Variants in RGS6 observed in about 807,000 individuals in gnomAD.
RGS6 encodes the protein regulator of G protein signaling 6.
In RGS6, 30 loss-of-function variants were observed where a neutral mutation model predicts 78.5. The observed-to-expected ratio is 0.38, with a 90% CI of 0.29 to 0.52. RGS6 has a LOEUF of 0.52. RGS6 is among the 20% of genes least tolerant of loss of function. RGS6 has a pLI of 0.85. For missense variants in RGS6, 495 were observed against 609.7 expected, an observed-to-expected ratio of 0.81 and a Z score of 1.98; for synonymous variants, 206 against 206.0, an observed-to-expected ratio of 1.00 and a Z score of 0.00.
the RGS6 span, among the ~76,000 whole-genome samples, chr14:71,904,175 T>C: frequency 7.9e-4 from 120 of 152,324 alleles, no homozygotes; most frequent in East Asian, 4.2e-3. Context: ...AGCATCCTGA[T>C]TTTTTTCTCA....
rs115270885 is a variant in RGS6 at position 72,186,315 on chromosome 14, A to G, written c.85-165780A>G. Among the ~76,000 whole-genome samples the G allele has an allele frequency of 9.9e-3, 1,504 of 152,348 alleles. 22 individuals are homozygous for G. Among genetic ancestry groups the G allele is most frequent in the African/African-American group, 0.034 (1,419 of 41,578 alleles). Reference sequence around the variant, plus strand: ...TTTGCTGGGCATTAACGCAGATGGAATACAGCCGAGTTTGCGTAAGTTCTG... The same window carrying G: ...TTTGCTGGGCATTAACGCAGATGGAGTACAGCCGAGTTTGCGTAAGTTCTG... On this transcript the variant is annotated intron_variant, in intron 2 of 17. Transcript: ENST00000553525.
intron 3 of RGS6, among the ~76,000 whole-genome samples, chr14:72,384,375 T>C (rs1019187942): frequency 4.6e-5 from 7 of 152,250 alleles, no homozygotes; most frequent in Non-Finnish European, 1.0e-4. Flanking sequence ...AGAATAGTTA[T>C]TGAATGTTAG....
intron 2 of RGS6, among the ~76,000 whole-genome samples, chr14:72,022,850 G>A (rs2088991478): frequency 6.7e-6 from 1 of 149,670 alleles, no homozygotes; most frequent in Non-Finnish European, 1.5e-5. Flanking sequence ...GCTCCCTCCT[G>A]TAACAACCTT....
the RGS6 span, among the ~76,000 whole-genome samples, chr14:72,578,587 A>G: frequency 1.5e-4 from 23 of 152,322 alleles, no homozygotes; most frequent in African/African-American, 5.5e-4. Flanking sequence ...ACAAACATGA[A>G]TTGAGCACCG....
chr14:72,510,457 C>A (rs186299071), intron 14 of RGS6, among the ~76,000 whole-genome samples, 178 bp downstream of exon 14: 1 of 152,326 alleles, frequency 6.6e-6, no homozygotes, highest in Admixed American at 6.5e-5. Flanking sequence ...TCTGTCACCA[C>A]CATAATAGCA....
chr14:72,399,416 C>G (rs2092034977), intron 3 of RGS6, among the ~76,000 whole-genome samples: 2 of 152,000 alleles, frequency 1.3e-5, no homozygotes, highest in Admixed American at 6.6e-5. Flanking sequence ...TATTTTGAGC[C>G]TATGTGTGTC....
intron 2 of RGS6, among the ~76,000 whole-genome samples, chr14:72,143,940 C>G (rs1418820032): frequency 6.6e-6 from 1 of 152,100 alleles, no homozygotes; most frequent in Non-Finnish European, 1.5e-5. Context: ...AGAGATATGT[C>G]AGTCACAGGA....
At chr14:72,396,046 C>G (rs1287561464) in intron 3 of RGS6, among the ~76,000 whole-genome samples, 2 of 151,910 alleles carry the variant, frequency 1.3e-5, no homozygotes, top group Non-Finnish European at 2.9e-5. Flanking sequence ...GGGTATATAC[C>G]CAGTAATGGG....
intron 3 of RGS6, among the ~76,000 whole-genome samples, chr14:72,453,542 G>A: frequency 1.4e-5 from 2 of 144,820 alleles, no homozygotes; most frequent in Admixed American, 7.0e-5. Flanking sequence ...CGTGAACCCG[G>A]GAGGCAGAGC....
At chr14:72,365,302 G>C (rs1596314971) in intron 3 of RGS6, among the ~76,000 whole-genome samples, 1 of 152,350 alleles carries the variant, frequency 6.6e-6, no homozygotes, top group East Asian at 1.9e-4. Context: ...ACTGAGGATA[G>C]AGATAACAGG....
intron 3 of RGS6, among the ~76,000 whole-genome samples, chr14:72,356,685 A>G (rs939777987): frequency 2.0e-5 from 3 of 152,178 alleles, no homozygotes; most frequent in East Asian, 1.9e-4. Flanking sequence ...AGTTACCTCT[A>G]TGCTGTTCTC....
At chr14:72,492,579 G>A (rs779254477) in intron 12 of RGS6, among the ~76,000 whole-genome samples, 4 of 152,172 alleles carry the variant, frequency 2.6e-5, no homozygotes, top group African/African-American at 7.2e-5. Context: ...GATGGGAGAC[G>A]GGGGCAGGAG....
At chr14:72,233,481 T>C (rs146467122) in intron 2 of RGS6, among the ~76,000 whole-genome samples, 2 of 152,320 alleles carry the variant, frequency 1.3e-5, no homozygotes, top group Non-Finnish European at 2.9e-5. Flanking sequence ...CTTATCAATG[T>C]GGAAACTGTA....
chr14:72,362,115 G>A (rs1025731048), intron 3 of RGS6, among the ~76,000 whole-genome samples: 1 of 152,184 alleles, frequency 6.6e-6, no homozygotes, highest in African/African-American at 2.4e-5. Flanking sequence ...CTGTTGCTAT[G>A]TGCCAGGCTC....
intron 3 of RGS6, among the ~76,000 whole-genome samples, chr14:72,419,583 T>TA (rs1255580520): frequency 6.6e-6 from 1 of 152,212 alleles, no homozygotes; most frequent in African/African-American, 2.4e-5. Context: ...ATGTGACTGT[T>TA]AATCAGCCAT....
At chr14:72,054,648 A>G (rs539613770) in intron 2 of RGS6, among the ~76,000 whole-genome samples, 26 of 152,298 alleles carry the variant, frequency 1.7e-4, no homozygotes, top group African/African-American at 6.0e-4. Context: ...TGTGAGTGCA[A>G]TGCCTAATCT....
At chr14:72,325,837 T>TA (rs530409566) in intron 2 of RGS6, among the ~76,000 whole-genome samples, 64 of 148,422 alleles carry the variant, frequency 4.3e-4, no homozygotes, top group African/African-American at 1.2e-3. Flanking sequence ...GATGCTGATT[T>TA]AAAAAAAAAA....
At chr14:72,386,749 T>C (rs1253054476) in intron 3 of RGS6, among the ~76,000 whole-genome samples, 1 of 152,232 alleles carries the variant, frequency 6.6e-6, no homozygotes, top group African/African-American at 2.4e-5. Flanking sequence ...TTTACATTCC[T>C]ATAAATAAAA....
At chr14:72,624,869 C>T in the RGS6 span, among the ~76,000 whole-genome samples, 2 of 152,180 alleles carry the variant, frequency 1.3e-5, no homozygotes, top group African/African-American at 4.8e-5. Flanking sequence ...AGCAAGAATA[C>T]CACTAAAGTA....
Sources: allele counts gnomAD v4.1 joint callset (sites outside exome capture counted in the v4.1 genomes callset), GRCh38; gene constraint gnomAD v4.1.1; transcripts MANE v1.5; gene names NCBI Gene and HGNC (gene_info 2026-07-23, HGNC 2026-07-21).